The following BRCA2 variants were observed in gnomAD, a reference collection of about 807,000 sequenced individuals.
BRCA2 encodes the protein BRCA2 DNA repair associated, also known as breast cancer type 2 susceptibility protein.
A neutral mutation model predicts 276.7 loss-of-function variants in BRCA2; 203 were observed. The ratio of observed to expected loss-of-function variants is 0.73; its 90% CI spans 0.65 to 0.82. The LOEUF is 0.82. Among genes scored for constraint, BRCA2 ranks in the 40% least tolerant of loss-of-function variants. The pLI, the probability that BRCA2 is intolerant of heterozygous loss-of-function variation, is 0.00. For missense variants in BRCA2, 3,920 were observed against 3,915.0 expected (o/e 1.00, Z -0.03); for synonymous variants, 1,289 against 1,338.4 (o/e 0.96, Z 0.81).
intron 4 of BRCA2, 24 bp from the exon 5 acceptor site, chr13:32,326,077 G>A (rs1255464376): frequency 6.3e-7 from 1 of 1,595,216 alleles, no homozygotes. Flanking sequence ...AATAACCTAA[G>A]GGATTTGCTT....
At position 32,338,261 on chromosome 13, in the gene BRCA2, T is replaced by A; in HGVS notation, c.3906T>A (p.Thr1302=). The change falls in exon 11 of 27, where the codon ACT becomes ACA. Residue 1302 remains threonine, a synonymous_variant. Transcript: ENST00000380152. ...LILQNNIEMT[T]GTFVEEITEN... ...TACAAAATAATATTGAAATGACTAC[T>A]GGCACTTTTGTTGAAGAAATTACTG... The A allele has an allele frequency of 6.4e-7, 1 of 1,562,940 alleles. No homozygotes were observed. Among genetic ancestry groups the A allele is most frequent in the East Asian group, 2.3e-5 (1 of 44,152 alleles).
Position 32,398,988 on chromosome 13 carries a change from A to G in BRCA2, c.*218A>G. On this transcript the variant is annotated 3_prime_UTR_variant, in exon 27 of 27. Coordinates refer to ENST00000380152, the MANE Select transcript of BRCA2 (RefSeq NM_000059.4). ...AGTTGCATATCTTAAAACTAAATGT[A>G]ATTTATTAACTAATCAAGAAAAACA... 1 of 540,396 alleles carries G rather than the reference A, an allele frequency of 1.9e-6. No homozygotes were observed. 33.5% of individuals were successfully genotyped at this position (540,396 alleles called of 1,614,324 possible).
chr13:32,395,620 C>A (rs919026043), intron 25 of BRCA2, among the ~76,000 whole-genome samples: 7 of 152,274 alleles, frequency 4.6e-5, no homozygotes, highest in Admixed American at 2.6e-4. Context: ...GAATGCAGAA[C>A]CCAGACTAGG....
chr13:32,389,262 G>T (rs1438599665), intron 24 of BRCA2, among the ~76,000 whole-genome samples: 3 of 152,054 alleles, frequency 2.0e-5, no homozygotes, highest in Non-Finnish European at 2.9e-5. Context: ...TATTTTCTTG[G>T]ATATCATAGT....
intron 25 of BRCA2, among the ~76,000 whole-genome samples, chr13:32,396,322 C>A (rs1465084133): frequency 6.6e-6 from 1 of 152,106 alleles, no homozygotes; most frequent in African/African-American, 2.4e-5. Context: ...GCTGAAGAGA[C>A]AACTGTCATT....
At chr13:32,378,424 G>A (rs754991425) in intron 21 of BRCA2, among the ~76,000 whole-genome samples, 2 of 152,262 alleles carry the variant, frequency 1.3e-5, no homozygotes, top group Admixed American at 1.3e-4. Flanking sequence ...AAACAGTCCT[G>A]TTAGAATTTG....
In BRCA2 at chr13:32,337,985, T is replaced by C. The variant is rs786202991; in HGVS notation, c.3630T>C (p.Asp1210=). Residue 1210 remains aspartate (D), a synonymous_variant, in exon 11 of 27, where the codon GAT becomes GAC. Transcript: ENST00000380152. ...CNKSASGYLT[D]ENEVGFRGFY... is the part of the protein sequence containing the mutation. ...AAAGTGCTTCTGGTTATTTAACAGA[T>C]GAAAATGAAGTGGGGTTTAGGGGCT... 2 of 1,613,494 alleles carry C rather than the reference T, an allele frequency of 1.2e-6. No individual in the cohort carries two copies.
At chr13:32,356,235 A>AT (rs1004336528) in intron 14 of BRCA2, among the ~76,000 whole-genome samples, 193 bp from the exon 15 acceptor site, 57 of 145,730 alleles carry the variant, frequency 3.9e-4, no homozygotes, top group African/African-American at 1.1e-3. Context: ...ACTTTTATAT[A>AT]TTTTTTTTTT....
chr13:32,316,875 A>G (rs772174994), intron 2 of BRCA2, among the ~76,000 whole-genome samples: 4 of 152,226 alleles, frequency 2.6e-5, no homozygotes, highest in African/African-American at 9.6e-5. Context: ...GCTTTTGTTT[A>G]TGTAGCTTAC....
intron 24 of BRCA2, 73 bp from the exon 25 acceptor site, chr13:32,394,616 G>A: frequency 6.5e-7 from 1 of 1,528,334 alleles, no homozygotes; most frequent in South Asian, 1.2e-5. Context: ...GCATATTAGA[G>A]TTTCCTTTCT....
chr13:32,367,428 C>T (rs1191475979), intron 18 of BRCA2, among the ~76,000 whole-genome samples: 1 of 146,804 alleles, frequency 6.8e-6, no homozygotes, highest in African/African-American at 2.5e-5. Context: ...CAGAGCGAGA[C>T]TCCATCTCAA....
In BRCA2 at chr13:32,371,077, A is replaced by G. The variant is rs2137600971; in HGVS notation, c.8609A>G (p.Gln2870Arg). The G allele has an allele frequency of 6.2e-7, 1 of 1,614,106 alleles. No individual in the cohort carries two copies. The highest frequency in any genetic ancestry group is 8.5e-7 in the Non-Finnish European group (1 of 1,179,944). The change falls in exon 20 of 27, where the codon CAG becomes CGG. Residue 2870 changes from glutamine (Q) to arginine (R), a missense_variant. Coordinates refer to ENST00000380152, the MANE Select transcript of BRCA2 (RefSeq NM_000059.4). ...KRLEALFTKI[Q>R]EEFEEHEENT... ...CTAGAAGCCTTATTCACTAAAATTC[A>G]GGAGGAATTTGAAGAACATGAAGGT...
chr13:32,375,297 T>A (rs2072863424), intron 20 of BRCA2: 1 of 396,516 alleles, frequency 2.5e-6, no homozygotes, highest in Non-Finnish European at 4.9e-6. Flanking sequence ...ATCTTCAGGC[T>A]TTACTTCTAA....
chr13:32,337,963 G>T lies in BRCA2; in HGVS notation c.3608G>T (p.Ser1203Ile), dbSNP rs745817393. 6.2e-7 allele frequency: 1 copy of T among 1,613,958 alleles called. No homozygotes were observed. The highest frequency in any genetic ancestry group is 1.1e-5 in the South Asian group (1 of 91,080). The change falls in exon 11 of 27, where the codon AGT becomes ATT. Residue 1203 changes from serine to isoleucine, a missense_variant. By Grantham distance (142) the Ser-to-Ile change is moderately radical. Coordinates refer to ENST00000380152, the MANE Select transcript of BRCA2 (RefSeq NM_000059.4). ...CTGTTGAAAAATGACTGTAACAAAA[G>T]TGCTTCTGGTTATTTAACAGATGAA... ...AGLLKNDCNK[S>I]ASGYLTDENE...
chr13:32,344,753 TAC>T, intron 12 of BRCA2, 100 bp downstream of exon 12: 1 of 846,064 alleles, frequency 1.2e-6, no homozygotes, highest in South Asian at 1.5e-5. Flanking sequence ...GTGCTGGGAT[TAC>T]AGACATGAGC....
At chr13:32,318,862 T>TA (rs1318508828) in intron 2 of BRCA2, among the ~76,000 whole-genome samples, 3 of 152,252 alleles carry the variant, frequency 2.0e-5, no homozygotes, top group Admixed American at 6.5e-5. Flanking sequence ...ATAATATAGT[T>TA]AAATGCCATC....
chr13:32,337,656 C>G lies in BRCA2; in HGVS notation c.3301C>G (p.His1101Asp), dbSNP rs80358576. ...TTCCAAGCAGGATTTTAATTCAAAC[C>G]ATAATTTAACACCTAGCCAAAAGGC... ...LFSKQDFNSN[H>D]NLTPSQKAEI... Residue 1101 changes from histidine to aspartate, a missense_variant, in exon 11 of 27, where the codon CAT becomes GAT. His to Asp is a moderately conservative substitution (Grantham distance 81). This residue lies in a region of BRCA2 where 3,263 missense variants were observed against 3,156.9 expected (regional missense o/e 1.03). Coordinates refer to ENST00000380152, the MANE Select transcript of BRCA2 (RefSeq NM_000059.4). The G allele has an allele frequency of 6.3e-7, 1 of 1,587,900 alleles. No individual in the cohort carries two copies. Among genetic ancestry groups the G allele is most frequent in the Non-Finnish European group, 8.6e-7 (1 of 1,168,604 alleles).
rs183701513 is a variant in BRCA2, at chr13:32,399,588, A to G, written c.*818A>G. The G allele has an allele frequency of 3.4e-5, 6 of 176,514 alleles. No homozygotes were observed. Among genetic ancestry groups the G allele is most frequent in the Admixed American group, 2.6e-4 (4 of 15,590 alleles). The allele number at this position is 176,514 out of a possible 1,614,324, so 10.9% of individuals were successfully genotyped here. A position where few individuals can be genotyped will look rare whatever the true frequency, so the allele number is the denominator to read the frequency against. On this transcript the variant is annotated 3_prime_UTR_variant, in exon 27 of 27. Coordinates refer to ENST00000380152, the MANE Select transcript of BRCA2 (RefSeq NM_000059.4). ...CAAATACTTTAAATCAGAAGATTTCATAGTTAATTTATTTTTTTTTTCAAC... is the reference window on the plus strand; with the variant it reads ...CAAATACTTTAAATCAGAAGATTTCGTAGTTAATTTATTTTTTTTTTCAAC...
At chr13:32,344,240 AG>A (rs1566236688) in intron 11 of BRCA2, among the ~76,000 whole-genome samples, 3 of 150,934 alleles carry the variant, frequency 2.0e-5, no homozygotes, top group Non-Finnish European at 4.4e-5. Flanking sequence ...GTAAACCTAG[AG>A]TTATATTTAG....
Sources: gnomAD v4.1 joint callset for allele counts (sites outside exome capture counted in the v4.1 genomes callset) on GRCh38, gnomAD v4.1.1 for gene constraint, gnomAD v4.1.1 regional missense constraint, MANE v1.5 for transcripts, NCBI Gene and HGNC (gene_info 2026-07-23, HGNC 2026-07-21) for gene names.